The following PCDHGB5 variants were observed in gnomAD, a reference collection of about 807,000 sequenced individuals.
The protein encoded by PCDHGB5 is protocadherin gamma subfamily B, 5.
Under a neutral mutation model 62.9 loss-of-function variants are expected in PCDHGB5, and 48 were observed. That is an observed-to-expected ratio of 0.76 (90% confidence interval 0.61 to 0.97). PCDHGB5 has a LOEUF of 0.97. Ranked by LOEUF, PCDHGB5 falls within the 50% of genes least tolerant of loss-of-function variation. PCDHGB5 has a pLI of 0.00. For synonymous variants in PCDHGB5, 474 were observed against 511.2 expected (o/e 0.93, Z 0.98); for missense variants, 1,118 against 1,198.6 (o/e 0.93, Z 0.99).
intron 1 of PCDHGB5, among the ~76,000 whole-genome samples, chr5:141,466,921 AG>A (rs2099132133): frequency 6.6e-6 from 1 of 152,204 alleles, no homozygotes; most frequent in African/African-American, 2.4e-5. Context: ...TCCTTGTATT[AG>A]GAATATTAGT....
At chr5:141,409,747 C>A in intron 1 of PCDHGB5, 3 of 1,612,994 alleles carry the variant, frequency 1.9e-6, no homozygotes, top group South Asian at 1.1e-5. Flanking sequence ...GGGTGGTGTT[C>A]GCGCAGCGCG....
At chr5:141,495,236 A>G (rs2099759742) in intron 2 of PCDHGB5, among the ~76,000 whole-genome samples, 1 of 152,168 alleles carries the variant, frequency 6.6e-6, no homozygotes, top group South Asian at 2.1e-4. Flanking sequence ...GGGCTCCATT[A>G]TGACCTGGGG....
Position 141,432,938 on chromosome 5 carries a change from G to C in PCDHGB5, c.2397+32414G>C. ...CTGGCACAAGTCACGCCTGCTGCAG[G>C]CTTCAGGAGGCGGCTTGACAGGAGC... On this transcript the variant is annotated intron_variant, in intron 1 of 3. Transcript: ENST00000617380. The surrounding 1 kb of genome is among the most constrained non-coding windows in gnomAD (Gnocchi z 6.0). 2 of 1,614,192 alleles carry C rather than the reference G, an allele frequency of 1.2e-6. No homozygotes were observed. Among genetic ancestry groups the C allele is most frequent in the South Asian group, 2.2e-5 (2 of 91,086 alleles).
In PCDHGB5 at chr5:141,432,847, G is replaced by C. The variant is rs768265171; in HGVS notation, c.2397+32323G>C. ...ACCTCACTCTGTACCTGGTGGTAGC[G>C]GTGGCCGCGGTCTCCTGCGTCTTCC... On this transcript the variant is annotated intron_variant, in intron 1 of 3. Transcript: ENST00000617380. The surrounding 1 kb of genome is among the most constrained non-coding windows in gnomAD (Gnocchi z 6.0). The C allele has an allele frequency of 1.2e-6, 2 of 1,614,180 alleles. No homozygotes were observed. Among genetic ancestry groups the C allele is most frequent in the Admixed American group, 1.7e-5 (1 of 60,032 alleles).
At chr5:141,443,980 T>A (rs2098412674) in intron 1 of PCDHGB5, among the ~76,000 whole-genome samples, 1 of 152,036 alleles carries the variant, frequency 6.6e-6, no homozygotes, top group South Asian at 2.1e-4. Context: ...CTAAGCTATG[T>A]TAATTTTATT....
chr5:141,453,052 G>A (rs1299518260), intron 1 of PCDHGB5, among the ~76,000 whole-genome samples: 2 of 152,062 alleles, frequency 1.3e-5, no homozygotes, highest in East Asian at 3.9e-4. Flanking sequence ...ATTATGTGCA[G>A]TTTTAGAGTT....
In PCDHGB5 at chr5:141,399,807, C is replaced by T; in HGVS notation, c.1680C>T (p.Tyr560=). The part of the protein sequence containing the change: ...DRNDNAPRVL[Y]PALGPDGSAL... ...ACGACAACGCACCGCGGGTGCTGTA[C>T]CCCGCGCTGGGTCCCGACGGCTCTG... The change falls in exon 1 of 4, where the codon TAC becomes TAT. Residue 560 remains tyrosine, a synonymous_variant. Coordinates refer to ENST00000617380, the MANE Select transcript of PCDHGB5 (RefSeq NM_018925.3). The T allele has an allele frequency of 6.2e-7, 1 of 1,613,222 alleles. No homozygotes were observed. The highest frequency in any genetic ancestry group is 8.5e-7 in the Non-Finnish European group (1 of 1,179,752).
intron 1 of PCDHGB5, chr5:141,413,776 G>A: frequency 6.2e-7 from 1 of 1,613,188 alleles, no homozygotes; most frequent in Non-Finnish European, 8.5e-7. Context: ...GCTGGTACTG[G>A]AGCACTCCCT....
chr5:141,420,287 A>C, intron 1 of PCDHGB5: 1 of 1,498,884 alleles, frequency 6.7e-7, no homozygotes, highest in African/African-American at 1.4e-5. Context: ...AAGTATTTAA[A>C]AATGTATTTA....
At chr5:141,499,423 GA>G (rs1229901490) in intron 2 of PCDHGB5, among the ~76,000 whole-genome samples, 3 of 151,756 alleles carry the variant, frequency 2.0e-5, no homozygotes, top group Non-Finnish European at 2.9e-5. Flanking sequence ...ATGAAAAATA[GA>G]AAAAAAATTA....
At chr5:141,414,738 C>T in intron 1 of PCDHGB5, 1 of 1,614,238 alleles carries the variant, frequency 6.2e-7, no homozygotes, top group Non-Finnish European at 8.5e-7. Context: ...TGTATGCACT[C>T]AGATCCTTCG....
chr5:141,490,051 G>T lies in PCDHGB5; in HGVS notation c.2398-4756G>T, dbSNP rs779280988. On this transcript the variant is annotated intron_variant, in intron 1 of 3. Coordinates refer to ENST00000617380, the MANE Select transcript of PCDHGB5 (RefSeq NM_018925.3). The surrounding 1 kb of genome is among the most constrained non-coding windows in gnomAD (Gnocchi z 5.4). ...CCGCCTCAATGCCACTGATCCAGACGAGGGCACCAACGGCCAACTAGACTA... is the reference window on the plus strand; with the variant it reads ...CCGCCTCAATGCCACTGATCCAGACTAGGGCACCAACGGCCAACTAGACTA... 3 of 1,614,214 alleles carry T rather than the reference G, an allele frequency of 1.9e-6. No homozygotes were observed. The Middle Eastern group carries it at 4.9e-4, about 266-fold the overall frequency.
chr5:141,485,172 C>T lies in PCDHGB5; in HGVS notation c.2398-9635C>T, dbSNP rs377648315. 3.9e-5 allele frequency: 62 copies of T among 1,610,044 alleles called. No individual in the cohort carries two copies. The highest frequency in any genetic ancestry group is 5.1e-5 in the Non-Finnish European group (60 of 1,176,944). On this transcript the variant is annotated intron_variant, in intron 1 of 3. Coordinates refer to ENST00000617380, the MANE Select transcript of PCDHGB5 (RefSeq NM_018925.3). The surrounding 1 kb of genome is among the most constrained non-coding windows in gnomAD (Gnocchi z 5.7). ...CAAGTAGAGAATTAGCGGGCGGCAGCAATGCTCCGCAAGGTGAGAAGCTGG... is the reference window on the plus strand; with the variant it reads ...CAAGTAGAGAATTAGCGGGCGGCAGTAATGCTCCGCAAGGTGAGAAGCTGG...
intron 2 of PCDHGB5, among the ~76,000 whole-genome samples, chr5:141,498,260 A>C (rs1044675509): frequency 6.6e-6 from 1 of 152,140 alleles, no homozygotes; most frequent in Non-Finnish European, 1.5e-5. Flanking sequence ...GCTGGTGTTG[A>C]GTTCTTCAGT....
intron 1 of PCDHGB5, among the ~76,000 whole-genome samples, chr5:141,458,065 G>A (rs55848374): frequency 0.098 from 14,910 of 152,232 alleles, 965 homozygotes; most frequent in Non-Finnish European, 0.14. Flanking sequence ...GCACTGATGC[G>A]AACAACTATA....
chr5:141,499,408 G>C (rs1178843162), intron 2 of PCDHGB5, among the ~76,000 whole-genome samples: 1 of 151,896 alleles, frequency 6.6e-6, no homozygotes, highest in Non-Finnish European at 1.5e-5. Context: ...GCTCATTATA[G>C]AAACATGAAA....
rs572603287 is a variant in PCDHGB5 at position 141,477,037 on chromosome 5, G to T, written c.2398-17770G>T. 19 of 1,614,266 alleles carry T rather than the reference G, an allele frequency of 1.2e-5. No homozygotes were observed. In the East Asian group the frequency reaches 3.8e-4, roughly 32 times the overall value. Reference sequence around the variant, plus strand: ...TTGTAACCGGGATGCTGACAATCAAGGGTCGGCTGGACTTCGAGGACACCA... The same window carrying T: ...TTGTAACCGGGATGCTGACAATCAATGGTCGGCTGGACTTCGAGGACACCA... On this transcript the variant is annotated intron_variant, in intron 1 of 3. Transcript: ENST00000617380. The surrounding 1 kb of genome is among the most constrained non-coding windows in gnomAD (Gnocchi z 4.9).
chr5:141,465,313 T>C (rs113508011), intron 1 of PCDHGB5, among the ~76,000 whole-genome samples: 5 of 152,312 alleles, frequency 3.3e-5, no homozygotes, highest in Admixed American at 6.5e-5. Context: ...AATTTAGCCA[T>C]GTCAATGCAG....
At position 141,511,239 on chromosome 5, in the gene PCDHGB5, C is replaced by A; in HGVS notation, c.*66C>A. On this transcript the variant is annotated 3_prime_UTR_variant, in exon 4 of 4. Coordinates refer to ENST00000617380, the MANE Select transcript of PCDHGB5 (RefSeq NM_018925.3). ...AACCAGCCCAGCTTCTCCTTACCTG[C>A]ACCCAGGCCTCAGAGTTTCAGGGCT... 1 of 1,587,938 alleles carries A rather than the reference C, an allele frequency of 6.3e-7. No homozygotes were observed. Among genetic ancestry groups the A allele is most frequent in the Admixed American group, 1.8e-5 (1 of 55,480 alleles).
Sources: allele counts gnomAD v4.1 joint callset (sites outside exome capture counted in the v4.1 genomes callset), GRCh38; gene constraint gnomAD v4.1.1; non-coding constraint Gnocchi (gnomAD v3.1); transcripts MANE v1.5; gene names NCBI Gene and HGNC (gene_info 2026-07-23, HGNC 2026-07-21).